Variants in GABRB3 observed in about 807,000 individuals in gnomAD.
GABRB3 encodes the protein gamma-aminobutyric acid receptor subunit beta-3.
Under a neutral mutation model 52.1 loss-of-function variants are expected in GABRB3, and 14 were observed. The observed-to-expected ratio is 0.27, with a 90% CI of 0.18 to 0.42. GABRB3 has a LOEUF of 0.42. Ranked by LOEUF, GABRB3 falls within the 10% of genes least tolerant of loss-of-function variation. The pLI, the probability that GABRB3 is intolerant of heterozygous loss-of-function variation, is 1.00. For synonymous variants in GABRB3, 260 were observed against 232.3 expected (o/e 1.12, Z -1.08); for missense variants, 307 against 609.1 (o/e 0.50, Z 5.22).
chr15:26,670,586 G>T (rs987864867), intron 3 of GABRB3, among the ~76,000 whole-genome samples: 1 of 152,140 alleles, frequency 6.6e-6, no homozygotes, highest in African/African-American at 2.4e-5. Flanking sequence ...AGCCCGCTCC[G>T]GCCGGGCTTT....
chr15:26,636,122 C>T (rs1893053582), intron 3 of GABRB3, among the ~76,000 whole-genome samples: 1 of 152,194 alleles, frequency 6.6e-6, no homozygotes, highest in South Asian at 2.1e-4. Context: ...AGGTTTCATA[C>T]ACCCAATCAA....
chr15:26,744,448 CAG>C (rs1164740515), intron 3 of GABRB3, among the ~76,000 whole-genome samples: 1 of 151,086 alleles, frequency 6.6e-6, no homozygotes, highest in Non-Finnish European at 1.5e-5. Flanking sequence ...TTTTTTGAGA[CAG>C]AGTCTTGCTC....
chr15:26,675,616 G>A (rs1191136076), intron 3 of GABRB3, among the ~76,000 whole-genome samples: 2 of 152,208 alleles, frequency 1.3e-5, no homozygotes, highest in African/African-American at 2.4e-5. Flanking sequence ...TGCAGCTGGG[G>A]AGGAAGGTCA....
chr15:26,737,681 CT>C (rs1890100039), intron 3 of GABRB3, among the ~76,000 whole-genome samples: 1 of 152,026 alleles, frequency 6.6e-6, no homozygotes, highest in Admixed American at 6.6e-5. Flanking sequence ...AAAATCAACT[CT>C]TTTATATATA....
intron 8 of GABRB3, among the ~76,000 whole-genome samples, chr15:26,558,929 A>G (rs575283925): frequency 6.6e-6 from 1 of 152,314 alleles, no homozygotes; most frequent in African/African-American, 2.4e-5. Context: ...TGCAAGCTGT[A>G]CAGGAAGCAT....
chr15:26,683,009 C>A (rs138005083), intron 3 of GABRB3, among the ~76,000 whole-genome samples: 2 of 152,158 alleles, frequency 1.3e-5, no homozygotes, highest in African/African-American at 4.8e-5. Context: ...CCCCAGCAGC[C>A]GGCTCACTGG....
chr15:26,629,898 TG>T (rs1342208872), intron 3 of GABRB3, among the ~76,000 whole-genome samples: 1 of 152,110 alleles, frequency 6.6e-6, no homozygotes. Flanking sequence ...TCCATAGCCC[TG>T]GGCACCCTGA....
Position 26,622,064 on chromosome 15 carries a change from C to T in GABRB3, c.241-530G>A, listed in dbSNP as rs368759555. ...CAAGGGACTGTGGGAGGTCTCCATGCCCTACCTATTGTATTTCCTTTTTCC... is the reference window on the plus strand; with the variant it reads ...CAAGGGACTGTGGGAGGTCTCCATGTCCTACCTATTGTATTTCCTTTTTCC... On this transcript the variant is annotated intron_variant, in intron 3 of 8. Transcript: ENST00000311550. 4.6e-5 allele frequency among the ~76,000 whole-genome samples: 7 copies of T among 152,240 alleles called. No individual in the cohort carries two copies. In the East Asian group the frequency reaches 7.8e-4, roughly 17 times the overall value.
chr15:26,754,489 A>G (rs573652168), intron 3 of GABRB3, among the ~76,000 whole-genome samples: 1 of 152,322 alleles, frequency 6.6e-6, no homozygotes, highest in Admixed American at 6.5e-5. Context: ...TCATTTCACA[A>G]TCAATGTGGA....
At chr15:26,671,474 T>G (rs1191517158) in intron 3 of GABRB3, among the ~76,000 whole-genome samples, 2 of 152,188 alleles carry the variant, frequency 1.3e-5, no homozygotes, top group African/African-American at 2.4e-5. Flanking sequence ...AGTTCCCAGA[T>G]GAAACCAGTG....
intron 6 of GABRB3, among the ~76,000 whole-genome samples, chr15:26,571,320 A>C (rs929997941): frequency 1.3e-5 from 2 of 152,232 alleles, no homozygotes; most frequent in Non-Finnish European, 2.9e-5. Context: ...TATAAAAAAT[A>C]TATCCACTTA....
chr15:26,574,099 T>C (rs929817672), intron 6 of GABRB3, among the ~76,000 whole-genome samples: 1 of 152,150 alleles, frequency 6.6e-6, no homozygotes, highest in Non-Finnish European at 1.5e-5. Flanking sequence ...ATTGTTTAAC[T>C]GGGAAGAGGC....
chr15:26,624,994 C>T (rs1288132959), intron 3 of GABRB3: 4 of 982,316 alleles, frequency 4.1e-6, no homozygotes, highest in Non-Finnish European at 1.2e-6. Context: ...AACTAGGAGG[C>T]AGGTATTATA....
chr15:26,664,339 C>A (rs1162780348), intron 3 of GABRB3, among the ~76,000 whole-genome samples: 1 of 152,140 alleles, frequency 6.6e-6, no homozygotes, highest in Non-Finnish European at 1.5e-5. Flanking sequence ...TTTAAAAAAA[C>A]TCATGAGAGG....
intron 3 of GABRB3, among the ~76,000 whole-genome samples, chr15:26,699,041 T>G (rs555366111): frequency 1.3e-5 from 2 of 152,252 alleles, no homozygotes; most frequent in South Asian, 2.1e-4. Flanking sequence ...TGATTTTACA[T>G]TAAGTTAATG....
At chr15:26,688,324 AC>A (rs1888471838) in intron 3 of GABRB3, among the ~76,000 whole-genome samples, 1 of 152,194 alleles carries the variant, frequency 6.6e-6, no homozygotes, top group South Asian at 2.1e-4. Flanking sequence ...GGTGCCCACT[AC>A]CCATCACTAG....
rs1892463750 is a variant in GABRB3, at chr15:26,621,040, C to G, written c.461+274G>C. Among the ~76,000 whole-genome samples the G allele has an allele frequency of 4.0e-5, 6 of 151,766 alleles. No individual in the cohort carries two copies. The highest frequency in any genetic ancestry group is 3.9e-4 in the Admixed American group (6 of 15,190). On this transcript the variant is annotated intron_variant, in intron 4 of 8. Transcript: ENST00000311550. The surrounding 1 kb of genome is among the most constrained non-coding windows in gnomAD (Gnocchi z 4.1). ...GTGGCTATGATATGGAAAATCCATC[C>G]TGAGGGAATCTGTGTTCTTAGACAT...
chr15:26,766,607 T>C (rs1891003590), intron 3 of GABRB3, among the ~76,000 whole-genome samples: 2 of 152,196 alleles, frequency 1.3e-5, no homozygotes, highest in Non-Finnish European at 2.9e-5. Flanking sequence ...ACTCATTTTA[T>C]TTACCATTAT....
At chr15:26,771,138 T>C (rs1891132554) in intron 3 of GABRB3, among the ~76,000 whole-genome samples, 1 of 152,250 alleles carries the variant, frequency 6.6e-6, no homozygotes, top group Non-Finnish European at 1.5e-5. Flanking sequence ...GTGGTAGGTA[T>C]TTTAAAAGTA....
Sources: allele counts gnomAD v4.1 joint callset (sites outside exome capture counted in the v4.1 genomes callset), GRCh38; gene constraint gnomAD v4.1.1; non-coding constraint Gnocchi (gnomAD v3.1); transcripts MANE v1.5; gene names NCBI Gene and HGNC (gene_info 2026-07-23, HGNC 2026-07-21).